ARHGAP10: variants seen among roughly 807,000 people sequenced by gnomAD.
The protein encoded by ARHGAP10 is Rho GTPase activating protein 10.
In ARHGAP10, 87 loss-of-function variants were observed where a neutral mutation model predicts 108.6. That is an observed-to-expected ratio of 0.80 (90% confidence interval 0.67 to 0.96). ARHGAP10 has a LOEUF of 0.96. Ranked by LOEUF, ARHGAP10 falls within the 40% of genes least tolerant of loss-of-function variation. The pLI, the probability that ARHGAP10 is intolerant of heterozygous loss-of-function variation, is 0.00. For synonymous variants in ARHGAP10, 347 were observed against 341.1 expected (o/e 1.02, Z -0.19); for missense variants, 939 against 954.5 (o/e 0.98, Z 0.21).
At chr4:148,007,352 A>C (rs1740990461) in intron 18 of ARHGAP10, among the ~76,000 whole-genome samples, 1 of 152,220 alleles carries the variant, frequency 6.6e-6, no homozygotes, top group African/African-American at 2.4e-5. Context: ...TGTGGATGTC[A>C]TCAGGGAAGG....
chr4:148,063,717 T>A (rs1382550485), intron 21 of ARHGAP10, among the ~76,000 whole-genome samples: 1 of 152,232 alleles, frequency 6.6e-6, no homozygotes, highest in Non-Finnish European at 1.5e-5. Flanking sequence ...CAGCAGCCTC[T>A]TCCACCTGTA....
rs17023831 is a variant in ARHGAP10, at chr4:147,778,758, C to T, written c.155-43969C>T. On this transcript the variant is annotated intron_variant, in intron 1 of 22. Transcript: ENST00000336498. Reference sequence around the variant, plus strand: ...TTTTATAAAATCTGTTTGTAATCTCCTTTGCAGTGTTATCCTCTTGCTCCA... The same window carrying T: ...TTTTATAAAATCTGTTTGTAATCTCTTTTGCAGTGTTATCCTCTTGCTCCA... Among the ~76,000 whole-genome samples, 989 of 152,228 alleles carry T rather than the reference C, an allele frequency of 6.5e-3. 12 individuals carry two copies. Among genetic ancestry groups the T allele is most frequent in the African/African-American group, 0.023 (945 of 41,516 alleles).
intron 4 of ARHGAP10, among the ~76,000 whole-genome samples, chr4:147,847,577 A>G (rs1222529975): frequency 6.6e-6 from 1 of 152,208 alleles, no homozygotes; most frequent in Non-Finnish European, 1.5e-5. Flanking sequence ...GCATTACAGT[A>G]GGGTTTAAGA....
At chr4:147,895,958 A>G (rs1218671469) in intron 10 of ARHGAP10, among the ~76,000 whole-genome samples, 1 of 152,134 alleles carries the variant, frequency 6.6e-6, no homozygotes. Context: ...TTTTGACAAA[A>G]TGTTTCTCAG....
At chr4:148,000,172 G>C (rs979444570) in intron 18 of ARHGAP10, among the ~76,000 whole-genome samples, 49 of 152,040 alleles carry the variant, frequency 3.2e-4, no homozygotes, top group African/African-American at 1.1e-3. Flanking sequence ...GAGAACATGT[G>C]GTGGTTGGTT....
intron 20 of ARHGAP10, 59 bp from the exon 21 acceptor site, chr4:148,063,089 C>T (rs376121208): frequency 6.3e-7 from 1 of 1,581,648 alleles, no homozygotes. Context: ...GGATGTTGTG[C>T]ATTTCGTGTT....
intron 3 of ARHGAP10, among the ~76,000 whole-genome samples, chr4:147,830,659 A>G (rs956345243): frequency 3.3e-5 from 5 of 151,824 alleles, no homozygotes; most frequent in Non-Finnish European, 5.9e-5. Flanking sequence ...AGCTGGGACT[A>G]TAGGCACTTG....
At chr4:148,040,556 G>A (rs947584843) in intron 19 of ARHGAP10, among the ~76,000 whole-genome samples, 2 of 152,016 alleles carry the variant, frequency 1.3e-5, no homozygotes, top group Non-Finnish European at 2.9e-5. Flanking sequence ...TGGCTAGGCT[G>A]GTCTCAAACT....
intron 1 of ARHGAP10, among the ~76,000 whole-genome samples, chr4:147,818,292 G>A (rs766053968): frequency 6.6e-6 from 1 of 151,934 alleles, no homozygotes; most frequent in African/African-American, 2.4e-5. Context: ...TAGGCTGGGC[G>A]CGGTGGCTCA....
intron 4 of ARHGAP10, among the ~76,000 whole-genome samples, chr4:147,854,465 G>T (rs1403310848): frequency 5.3e-5 from 8 of 152,106 alleles, no homozygotes. Flanking sequence ...TTAGATTACT[G>T]CCTGGCCCAG....
intron 1 of ARHGAP10, among the ~76,000 whole-genome samples, chr4:147,806,859 G>A (rs1466213011): frequency 6.6e-6 from 1 of 152,046 alleles, no homozygotes; most frequent in African/African-American, 2.4e-5. Context: ...ATGCCATCCT[G>A]CCCAGCTAAA....
chr4:147,900,115 A>G (rs1736176658), intron 10 of ARHGAP10, among the ~76,000 whole-genome samples: 1 of 152,228 alleles, frequency 6.6e-6, no homozygotes, highest in South Asian at 2.1e-4. Context: ...CCTGTCTTCT[A>G]CATGGTTTGA....
chr4:148,032,304 T>C (rs1208019992), intron 19 of ARHGAP10, among the ~76,000 whole-genome samples: 1 of 128,816 alleles, frequency 7.8e-6, no homozygotes, highest in Non-Finnish European at 1.6e-5. Context: ...TAAAAAATTA[T>C]CTAATATTGG....
chr4:147,758,965 T>A (rs1269474308), intron 1 of ARHGAP10, among the ~76,000 whole-genome samples: 3 of 147,036 alleles, frequency 2.0e-5, no homozygotes, highest in Non-Finnish European at 4.5e-5. Context: ...GGTAACAGAC[T>A]CTGTCTCAAA....
intron 1 of ARHGAP10, among the ~76,000 whole-genome samples, chr4:147,735,684 G>GT (rs1366908194): frequency 1.3e-4 from 20 of 152,326 alleles, no homozygotes; most frequent in African/African-American, 4.3e-4. Flanking sequence ...GCACATTTGT[G>GT]TGTAGGGTGA....
At chr4:148,015,873 C>T (rs547995070) in intron 18 of ARHGAP10, among the ~76,000 whole-genome samples, 3 of 152,128 alleles carry the variant, frequency 2.0e-5, no homozygotes, top group Admixed American at 6.5e-5. Flanking sequence ...GGAGAGCCTG[C>T]GTTGATTTCT....
chr4:147,839,130 A>ATCTGTCTG (rs1421305286), intron 3 of ARHGAP10, among the ~76,000 whole-genome samples: 10 of 147,886 alleles, frequency 6.8e-5, no homozygotes, highest in African/African-American at 2.3e-4. Flanking sequence ...CTATCTATCT[A>ATCTGTCTG]TCTATCTATC....
At chr4:147,766,894 G>C (rs1729857779) in intron 1 of ARHGAP10, among the ~76,000 whole-genome samples, 2 of 148,560 alleles carry the variant, frequency 1.3e-5, no homozygotes, top group Non-Finnish European at 3.0e-5. Context: ...GCCCAGGCTG[G>C]AGTGAGTGCA....
At chr4:147,780,762 G>A (rs1730497096) in intron 1 of ARHGAP10, among the ~76,000 whole-genome samples, 1 of 152,122 alleles carries the variant, frequency 6.6e-6, no homozygotes, top group African/African-American at 2.4e-5. Flanking sequence ...TGACAGAAAA[G>A]GCAAGTAGTA....
Sources: allele counts gnomAD v4.1 joint callset (sites outside exome capture counted in the v4.1 genomes callset), GRCh38; gene constraint gnomAD v4.1.1; transcripts MANE v1.5; gene names NCBI Gene and HGNC (gene_info 2026-07-23, HGNC 2026-07-21).